The following MTA1 variants were observed in gnomAD, a reference collection of about 807,000 sequenced individuals.
MTA1 encodes the protein metastasis associated 1.
A neutral mutation model predicts 97.0 loss-of-function variants in MTA1; 15 were observed. The observed-to-expected ratio is 0.15, with a 90% CI of 0.10 to 0.24. The LOEUF (loss-of-function observed/expected upper bound fraction) is 0.24. MTA1 is among the 10% of genes least tolerant of loss of function. MTA1 has a pLI of 1.00. For missense variants in MTA1, 709 were observed against 1,015.1 expected (o/e 0.70, Z 4.10); for synonymous variants, 435 against 417.5 (o/e 1.04, Z -0.51).
intron 6 of MTA1, among the ~76,000 whole-genome samples, chr14:105,453,308 T>C (rs1288712715): frequency 2.0e-5 from 3 of 152,266 alleles, no homozygotes; most frequent in Non-Finnish European, 4.4e-5. Context: ...TCTGTTGCTC[T>C]TAAACACCTT....
intron 2 of MTA1, among the ~76,000 whole-genome samples, chr14:105,439,994 C>T (rs371058734): frequency 3.3e-5 from 5 of 152,202 alleles, no homozygotes; most frequent in African/African-American, 7.2e-5. Flanking sequence ...CTGCGCTTGT[C>T]GAGGGCCATT....
chr14:105,460,749 C>T lies in MTA1; in HGVS notation c.754-16C>T. On this transcript the variant is annotated splice_polypyrimidine_tract_variant and intron_variant, in intron 9 of 20. Coordinates refer to ENST00000331320, the MANE Select transcript of MTA1 (RefSeq NM_004689.4). ...AGCCACCTTGGCCCGGGTGACCCTG[C>T]TGTCTCCTGCCGCAGTTCCACGCCA... 16 of 1,556,654 alleles carry T rather than the reference C, an allele frequency of 1.0e-5. No individual in the cohort carries two copies. The highest frequency in any genetic ancestry group is 1.4e-5 in the Non-Finnish European group (16 of 1,149,622).
rs1555434081 is a variant in MTA1 at position 105,470,061 on chromosome 14, A to G, written c.1998-4A>G. 1.9e-6 allele frequency: 3 copies of G among 1,612,516 alleles called. No individual in the cohort carries two copies. The highest frequency in any genetic ancestry group is 1.7e-5 in the Admixed American group (1 of 60,010). On this transcript the variant is annotated splice_region_variant and splice_polypyrimidine_tract_variant and intron_variant, in intron 20 of 20. Coordinates refer to ENST00000331320, the MANE Select transcript of MTA1 (RefSeq NM_004689.4). ...CCGGCCCTCACCACCACCTCTGCCC[A>G]CAGGAAGATCCGCAAGCTGCTCTCA...
At chr14:105,452,425 T>TC (rs1268619327) in intron 6 of MTA1, among the ~76,000 whole-genome samples, 5 of 152,154 alleles carry the variant, frequency 3.3e-5, no homozygotes, top group Admixed American at 3.3e-4. Flanking sequence ...ATGCCTGTAA[T>TC]CCCAGCACTT....
Position 105,466,427 on chromosome 14 carries a change from G to GGGCC in MTA1, c.1626_1627insGGCC (p.Thr543GlyfsTer10). 6.3e-7 allele frequency: 1 copy of GGGCC among 1,592,102 alleles called. No individual in the cohort carries two copies. The highest frequency in any genetic ancestry group is 8.6e-7 in the Non-Finnish European group (1 of 1,165,316). On this transcript the variant is annotated frameshift_variant and splice_region_variant, in exon 17 of 21. Transcript: ENST00000331320. LOFTEE classifies it high-confidence loss of function. ...TTCTGCCTGTGTCATTCCCGGCAGA[G>GGGCC]ACCCACCCCCGCCCCCCCAAGCCTG...
chr14:105,464,118 G>T lies in MTA1; in HGVS notation c.1163G>T (p.Gly388Val), dbSNP rs782159283. The change falls in exon 13 of 21, where the codon GGG (glycine) becomes GTG (valine). Residue 388 changes from glycine to valine, a missense_variant. Gly to Val is a moderately radical substitution (Grantham distance 109). This residue lies in a region of MTA1 where 321 missense variants were observed against 593.5 expected (regional missense o/e 0.54). Transcript: ENST00000331320. ...NGTGAPGQSP[G>V]AGRACESCYT... is the part of the protein sequence containing the mutation. ...ACGGGGGCGCCGGGCCAGAGCCCTGGGGCTGGCCGGGCCTGCGAGAGCTGT... is the reference window on the plus strand; with the variant it reads ...ACGGGGGCGCCGGGCCAGAGCCCTGTGGCTGGCCGGGCCTGCGAGAGCTGT... 1.2e-6 allele frequency: 2 copies of T among 1,611,218 alleles called. No homozygotes were observed. Among genetic ancestry groups the T allele is most frequent in the Non-Finnish European group, 1.7e-6 (2 of 1,179,474 alleles).
intron 18 of MTA1, chr14:105,468,360 T>C: frequency 1.5e-6 from 2 of 1,304,094 alleles, no homozygotes; most frequent in Non-Finnish European, 2.0e-6. Flanking sequence ...GTAAGTAGTT[T>C]TTGTGCTACT....
intron 17 of MTA1, 53 bp from the exon 18 acceptor site, chr14:105,466,654 C>A: frequency 6.3e-7 from 1 of 1,598,490 alleles, no homozygotes; most frequent in Non-Finnish European, 8.5e-7. Flanking sequence ...CGGGCACCCG[C>A]CGTGCGTGCT....
chr14:105,420,646 A>G lies in MTA1; in HGVS notation c.28+583A>G, dbSNP rs930839148. Among the ~76,000 whole-genome samples, 3 of 152,142 alleles carry G rather than the reference A, an allele frequency of 2.0e-5. No homozygotes were observed. Among genetic ancestry groups the G allele is most frequent in the Non-Finnish European group, 2.9e-5 (2 of 67,998 alleles). On this transcript the variant is annotated intron_variant, in intron 1 of 20. Transcript: ENST00000331320. The surrounding 1 kb of genome is among the most constrained non-coding windows in gnomAD (Gnocchi z 5.3). ...CCGAGCACGCCTCTAAGTCCCCCCAAACTTTTCCCTGCCTCTCGCTCACCT... is the reference window on the plus strand; with the variant it reads ...CCGAGCACGCCTCTAAGTCCCCCCAGACTTTTCCCTGCCTCTCGCTCACCT...
In MTA1 at chr14:105,463,573, T is replaced by A. The variant is rs782633708; in HGVS notation, c.1076+22T>A. 8 of 1,612,058 alleles carry A rather than the reference T, an allele frequency of 5.0e-6. No individual in the cohort carries two copies. The highest frequency in any genetic ancestry group is 5.9e-6 in the Non-Finnish European group (7 of 1,179,370). On this transcript the variant is annotated intron_variant, in intron 12 of 20. Coordinates refer to ENST00000331320, the MANE Select transcript of MTA1 (RefSeq NM_004689.4). This position sits in a 1 kb window ranked among gnomAD's most constrained non-coding sequence, Gnocchi z 5.9. ...ACTAGTAAGTGTGCCCTCACAGCCG[T>A]CGTCCTCGTGGCCCCGGGGGCCAGG...
At chr14:105,433,326 C>G (rs2082235746) in intron 1 of MTA1, among the ~76,000 whole-genome samples, 1 of 152,164 alleles carries the variant, frequency 6.6e-6, no homozygotes, top group South Asian at 2.1e-4. Flanking sequence ...CCTGGCTGAG[C>G]ACCGGTGTGG....
At position 105,420,135 on chromosome 14, in the gene MTA1, C is replaced by CCCACCCG; in HGVS notation, c.28+74_28+75insACCCGCC. On this transcript the variant is annotated intron_variant, in intron 1 of 20. Coordinates refer to ENST00000331320, the MANE Select transcript of MTA1 (RefSeq NM_004689.4). The surrounding 1 kb of genome is among the most constrained non-coding windows in gnomAD (Gnocchi z 5.3). ...CCCACCCGCCGCCGCTGCCGCCTCC[C>CCCACCCG]CCGCCCCTCTGCCCCGCAGGCCCCG... 2 of 794,220 alleles carry CCCACCCG rather than the reference C, an allele frequency of 2.5e-6. No homozygotes were observed. The highest frequency in any genetic ancestry group is 3.8e-5 in the African/African-American group (2 of 52,934). 49.2% of individuals were successfully genotyped at this position (794,220 alleles called of 1,614,324 possible).
In MTA1 at chr14:105,463,859, C is replaced by A; in HGVS notation, c.1077-173C>A. On this transcript the variant is annotated intron_variant, in intron 12 of 20. Coordinates refer to ENST00000331320, the MANE Select transcript of MTA1 (RefSeq NM_004689.4). The surrounding 1 kb of genome is among the most constrained non-coding windows in gnomAD (Gnocchi z 5.9). Reference sequence around the variant, plus strand: ...GGGGCCTGGAGAACGGCTCAGACCTCAGCAGTGGCTCCCAGGAACTGAAAG... The same window carrying A: ...GGGGCCTGGAGAACGGCTCAGACCTAAGCAGTGGCTCCCAGGAACTGAAAG... 1.4e-6 allele frequency: 1 copy of A among 708,612 alleles called. No homozygotes were observed. 43.9% of individuals were successfully genotyped at this position (708,612 alleles called of 1,614,324 possible). A position where few individuals can be genotyped will look rare whatever the true frequency, so the allele number is the denominator to read the frequency against.
chr14:105,440,704 C>T (rs1334113681), intron 2 of MTA1, among the ~76,000 whole-genome samples: 1 of 152,260 alleles, frequency 6.6e-6, no homozygotes, highest in Non-Finnish European at 1.5e-5. Context: ...GGCGGGACAC[C>T]AGCCTGTGAG....
At chr14:105,436,909 C>T (rs1197203813) in intron 1 of MTA1, among the ~76,000 whole-genome samples, 1 of 152,228 alleles carries the variant, frequency 6.6e-6, no homozygotes, top group Non-Finnish European at 1.5e-5. Flanking sequence ...CAGCGTTGCA[C>T]AAGCGTGGAC....
intron 2 of MTA1, 115 bp downstream of exon 2, chr14:105,438,854 C>A: frequency 9.8e-7 from 1 of 1,022,614 alleles, no homozygotes; most frequent in Non-Finnish European, 1.5e-6. Context: ...CTTGGACTGG[C>A]CACTGCACAG....
chr14:105,429,752 C>CTTTTTTTTTTTTTTTTT (rs59028638), intron 1 of MTA1, among the ~76,000 whole-genome samples: 1 of 50,576 alleles, frequency 2.0e-5, no homozygotes, highest in African/African-American at 9.0e-5. Flanking sequence ...TGCGCCCGGC[C>CTTTTTTTTTTTTTTTTT]TTTTTTTTTT....
chr14:105,469,835 C>T lies in MTA1; in HGVS notation c.1846-6C>T, dbSNP rs781939018. On this transcript the variant is annotated splice_region_variant and splice_polypyrimidine_tract_variant and intron_variant, in intron 19 of 20. Transcript: ENST00000331320. ...TGGCTGCCCAGGAAGTGCACCCCCT[C>T]TGCAGGGACCAAGCCGGAACCTCCT... 46 of 1,601,468 alleles carry T rather than the reference C, an allele frequency of 2.9e-5. No individual in the cohort carries two copies. The Admixed American group carries it at 7.5e-4, about 26-fold the overall frequency.
chr14:105,428,015 CAAAAAAAAAA>C (rs11421824), intron 1 of MTA1, among the ~76,000 whole-genome samples: 5 of 109,838 alleles, frequency 4.6e-5, no homozygotes, highest in South Asian at 3.2e-4. Flanking sequence ...GAGACTCTCT[CAAAAAAAAAA>C]AAAAAAAAAG....
Sources: gnomAD v4.1 joint callset for allele counts (sites outside exome capture counted in the v4.1 genomes callset) on GRCh38, gnomAD v4.1.1 for gene constraint, gnomAD v4.1.1 regional missense constraint, Gnocchi (gnomAD v3.1) non-coding constraint, MANE v1.5 for transcripts, NCBI Gene and HGNC (gene_info 2026-07-23, HGNC 2026-07-21) for gene names.